Variants in PCNX2 observed in about 807,000 individuals in gnomAD.
PCNX2 encodes pecanex-like protein 2.
Under a neutral mutation model 223.8 loss-of-function variants are expected in PCNX2, and 168 were observed. The observed-to-expected ratio is 0.75, with a 90% CI of 0.66 to 0.85. PCNX2 has a LOEUF of 0.85. PCNX2 is among the 40% of genes least tolerant of loss of function. PCNX2 has a pLI of 0.00. For synonymous variants in PCNX2, 1,006 were observed against 1,052.6 expected (o/e 0.96, Z 0.86); for missense variants, 2,507 against 2,675.5 (o/e 0.94, Z 1.39).
At chr1:233,087,147 G>C (rs771053750) in intron 23 of PCNX2, 191 of 985,272 alleles carry the variant, frequency 1.9e-4, no homozygotes, top group Non-Finnish European at 2.1e-4. Context: ...TCACTTCCTT[G>C]AAGTATTAAA....
chr1:233,189,089 T>C (rs531878895), intron 15 of PCNX2, among the ~76,000 whole-genome samples: 2 of 152,294 alleles, frequency 1.3e-5, no homozygotes, highest in East Asian at 3.9e-4. Context: ...ATAGACATTA[T>C]TGATTTGATT....
At chr1:233,024,185 G>T (rs1314223612) in intron 26 of PCNX2, among the ~76,000 whole-genome samples, 1 of 152,198 alleles carries the variant, frequency 6.6e-6, no homozygotes, top group Non-Finnish European at 1.5e-5. Flanking sequence ...AAAGCTCTGG[G>T]ATTATAGGCG....
chr1:233,029,657 A>G (rs1671199058), intron 25 of PCNX2, among the ~76,000 whole-genome samples: 1 of 152,126 alleles, frequency 6.6e-6, no homozygotes, highest in Non-Finnish European at 1.5e-5. Context: ...TTTTTCCTAG[A>G]TGTAGAATTA....
intron 1 of PCNX2, among the ~76,000 whole-genome samples, chr1:233,275,439 G>A (rs925390251): frequency 6.6e-6 from 1 of 152,038 alleles, no homozygotes; most frequent in African/African-American, 2.4e-5. Context: ...CTGACCTCAA[G>A]TGATCTGCCT....
At chr1:233,099,150 C>A (rs893533012) in intron 21 of PCNX2, among the ~76,000 whole-genome samples, 1 of 152,198 alleles carries the variant, frequency 6.6e-6, no homozygotes, top group Non-Finnish European at 1.5e-5. Context: ...TGATTCTCCA[C>A]CCAGTGATAT....
chr1:233,235,244 C>T (rs1485645423), intron 9 of PCNX2, among the ~76,000 whole-genome samples: 1 of 152,158 alleles, frequency 6.6e-6, no homozygotes, highest in African/African-American at 2.4e-5. Flanking sequence ...CACTTGTTCA[C>T]ACACAAACTC....
At chr1:233,057,427 A>G in intron 23 of PCNX2, 137 bp from the exon 24 acceptor site, 3 of 681,366 alleles carry the variant, frequency 4.4e-6, no homozygotes, top group South Asian at 3.5e-5. Context: ...CTGTAGTTTT[A>G]CCACACTGCA....
intron 23 of PCNX2, chr1:233,057,516 G>A: frequency 2.0e-6 from 1 of 492,296 alleles, no homozygotes; most frequent in Admixed American, 3.4e-5. Flanking sequence ...GTAGCTCTCT[G>A]ATTTGGAGAG....
chr1:233,139,493 A>G lies in PCNX2; in HGVS notation c.3659+221T>C, dbSNP rs1676985042. On this transcript the variant is annotated intron_variant, in intron 20 of 33. Transcript: ENST00000258229. This position sits in a 1 kb window ranked among gnomAD's most constrained non-coding sequence, Gnocchi z 4.4. ...TTCAAATCTACTGACATTTATTCACAATATCATTTCAAGCAGATCTAACTT... is the reference window on the plus strand; with the variant it reads ...TTCAAATCTACTGACATTTATTCACGATATCATTTCAAGCAGATCTAACTT... 6.6e-6 allele frequency among the ~76,000 whole-genome samples: 1 copy of G among 152,170 alleles called. No individual in the cohort carries two copies. The highest frequency in any genetic ancestry group is 1.5e-5 in the Non-Finnish European group (1 of 68,040).
At chr1:233,015,861 ACT>A (rs941313935) in intron 27 of PCNX2, among the ~76,000 whole-genome samples, 2 of 151,640 alleles carry the variant, frequency 1.3e-5, no homozygotes, top group African/African-American at 2.4e-5. Context: ...GGAGAGTGAG[ACT>A]CTGTTTCTTA....
intron 19 of PCNX2, among the ~76,000 whole-genome samples, chr1:233,159,737 C>T (rs958916990): frequency 6.6e-6 from 1 of 152,358 alleles, no homozygotes; most frequent in East Asian, 1.9e-4. Context: ...CAGGCTATTA[C>T]ATGATCATGG....
rs770441417 is a variant in PCNX2 at position 233,160,291 on chromosome 1, TC to T, written c.3508del (p.Glu1170LysfsTer2). 6.2e-7 allele frequency: 1 copy of T among 1,612,924 alleles called. No individual in the cohort carries two copies. Among genetic ancestry groups the T allele is most frequent in the Non-Finnish European group, 8.5e-7 (1 of 1,179,262 alleles). On this transcript the variant is annotated frameshift_variant, in exon 19 of 34. Coordinates refer to ENST00000258229, the MANE Select transcript of PCNX2 (RefSeq NM_014801.4). LOFTEE classifies it high-confidence loss of function. The stretch of plus-strand genomic sequence containing the variant: ...AGGGATATATTACTAACCTCTCACT[TC>T]CCGTTGATGATACTCTTTGTTTTTG... ...ILKNKEYHQR[E>X]VRDVAHLMWF...
In PCNX2 at chr1:233,135,048, G is replaced by A; in HGVS notation, c.3802C>T (p.Leu1268=). The A allele has an allele frequency of 1.2e-6, 2 of 1,611,622 alleles. No homozygotes were observed. The highest frequency in any genetic ancestry group is 8.5e-7 in the Non-Finnish European group (1 of 1,177,742). ...AAAATGGACACCATGAAGAAATCCA[G>A]TAAGAAGCTCTCTGAAATATCTTTG... ...DYKDISESFL[L]DFFMVSILFS... Residue 1268 remains leucine (L), a synonymous_variant, in exon 21 of 34, where the codon CTG becomes TTG. Coordinates refer to ENST00000258229, the MANE Select transcript of PCNX2 (RefSeq NM_014801.4).
chr1:233,306,584 A>G, the PCNX2 span, among the ~76,000 whole-genome samples: 1 of 152,204 alleles, frequency 6.6e-6, no homozygotes, highest in Non-Finnish European at 1.5e-5. Flanking sequence ...AAATATTTTT[A>G]TTGGATTGGG....
At chr1:233,104,214 T>C (rs1674643942) in intron 21 of PCNX2, among the ~76,000 whole-genome samples, 1 of 152,022 alleles carries the variant, frequency 6.6e-6, no homozygotes, top group South Asian at 2.1e-4. Context: ...TCTCAGTAAA[T>C]GTAAACAGAT....
Position 233,258,211 on chromosome 1 carries a change from C to A in PCNX2, c.1651G>T (p.Asp551Tyr). ...LSKSSAEIVN[D>Y]TEKTMPTSKS... Reference sequence around the variant, plus strand: ...GAAGTTGGCATTGTTTTCTCTGTATCGTTAACAATTTCTGCAGAACTTTTA... The same window carrying A: ...GAAGTTGGCATTGTTTTCTCTGTATAGTTAACAATTTCTGCAGAACTTTTA... The change falls in exon 5 of 34, where the codon GAT becomes TAT. Residue 551 changes from aspartate (D) to tyrosine (Y), a missense_variant. By Grantham distance (160) the Asp-to-Tyr change is radical. Around this residue, in one of 3 missense-constraint regions of PCNX2, gnomAD observed 1,031 missense variants for 1,021.7 expected, o/e 1.01. Transcript: ENST00000258229. 6.2e-7 allele frequency: 1 copy of A among 1,613,950 alleles called. No individual in the cohort carries two copies. The highest frequency in any genetic ancestry group is 8.5e-7 in the Non-Finnish European group (1 of 1,179,880).
chr1:233,052,338 T>C (rs1672036752), intron 25 of PCNX2, among the ~76,000 whole-genome samples: 2 of 152,210 alleles, frequency 1.3e-5, no homozygotes, highest in South Asian at 4.1e-4. Context: ...GGCTAAAAGA[T>C]GTCCTTTTGT....
chr1:233,061,862 G>A (rs762973616), intron 23 of PCNX2, among the ~76,000 whole-genome samples: 9 of 151,962 alleles, frequency 5.9e-5, no homozygotes, highest in African/African-American at 9.7e-5. Flanking sequence ...GGGTTCAAGC[G>A]ATTCCCCTGC....
At chr1:232,992,309 G>T (rs1669730142) in intron 32 of PCNX2, among the ~76,000 whole-genome samples, 1 of 152,178 alleles carries the variant, frequency 6.6e-6, no homozygotes, top group African/African-American at 2.4e-5. Flanking sequence ...GAAAGTAAAG[G>T]AGCCCCTGCT....
Sources: gnomAD v4.1 joint callset for allele counts (sites outside exome capture counted in the v4.1 genomes callset) on GRCh38, gnomAD v4.1.1 for gene constraint, gnomAD v4.1.1 regional missense constraint, Gnocchi (gnomAD v3.1) non-coding constraint, MANE v1.5 for transcripts, NCBI Gene and HGNC (gene_info 2026-07-23, HGNC 2026-07-21) for gene names.